ERG: variants seen among roughly 807,000 people sequenced by gnomAD.
The protein encoded by ERG is ETS transcription factor ERG.
In ERG, 9 loss-of-function variants were observed where a neutral mutation model predicts 55.3. That is an observed-to-expected ratio of 0.16 (90% confidence interval 0.10 to 0.28). The LOEUF is 0.28. Ranked by LOEUF, ERG falls within the 10% of genes least tolerant of loss-of-function variation. ERG has a pLI of 1.00. For synonymous variants in ERG, 223 were observed against 237.3 expected, an observed-to-expected ratio of 0.94 and a Z score of 0.55; for missense variants, 434 against 631.6, an observed-to-expected ratio of 0.69 and a Z score of 3.35.
At chr21:38,477,013 T>TC (rs1236120234) in intron 1 of ERG, among the ~76,000 whole-genome samples, 1 of 130,548 alleles carries the variant, frequency 7.7e-6, no homozygotes, top group Non-Finnish European at 1.6e-5. Context: ...TTTCCTTTTT[T>TC]TTTTTTTTTT....
chr21:38,378,152 C>T (rs117010395), downstream of ERG, among the ~76,000 whole-genome samples: 1 of 152,196 alleles, frequency 6.6e-6, no homozygotes, highest in Non-Finnish European at 1.5e-5. Context: ...TGGCACTGAT[C>T]AAGAGTGAGG....
At chr21:38,607,553 G>A (rs578217874) in intron 1 of ERG, among the ~76,000 whole-genome samples, 1 of 152,210 alleles carries the variant, frequency 6.6e-6, no homozygotes, top group East Asian at 1.9e-4. Flanking sequence ...AGAATGGCAT[G>A]AACCCGGGAG....
intron 1 of ERG, among the ~76,000 whole-genome samples, chr21:38,604,931 G>A (rs1011083193): frequency 7.9e-5 from 12 of 152,308 alleles, no homozygotes; most frequent in Admixed American, 5.2e-4. Flanking sequence ...ATTATAGGGC[G>A]TATTATTTCT....
chr21:38,507,999 G>C (rs987686846), intron 2 of ERG, among the ~76,000 whole-genome samples: 1 of 3,390 alleles, frequency 2.9e-4, no homozygotes, highest in Non-Finnish European at 8.1e-4. Context: ...ACACACACAT[G>C]CACACACACA....
chr21:38,510,025 C>T (rs2059499282), intron 2 of ERG, among the ~76,000 whole-genome samples: 1 of 152,180 alleles, frequency 6.6e-6, no homozygotes, highest in Non-Finnish European at 1.5e-5. Flanking sequence ...GGGGCCTTCG[C>T]TGTGGGCACA....
rs756945125 is a variant in ERG at position 38,392,437 on chromosome 21, T to C, written c.753A>G (p.Pro251=). 4.6e-6 allele frequency: 7 copies of C among 1,534,838 alleles called. No homozygotes were observed. Among genetic ancestry groups the C allele is most frequent in the Admixed American group, 4.2e-5 (2 of 47,066 alleles). The change falls in exon 7 of 10, where the codon CCA becomes CCG. Residue 251 remains proline, a synonymous_variant. Coordinates refer to ENST00000288319, the MANE Select transcript of ERG (RefSeq NM_182918.4). The stretch of plus-strand genomic sequence containing the variant: ...AGGCTGATCTCCTGGGGGGCTCATA[T>C]GGTAAATCTGTAAAGACAAATAAAT... ...TQRITTRPDL[P]YEPPRRSAWT...
At chr21:38,564,389 G>A (rs529723514) in intron 2 of ERG, among the ~76,000 whole-genome samples, 1 of 151,976 alleles carries the variant, frequency 6.6e-6, no homozygotes, top group Non-Finnish European at 1.5e-5. Flanking sequence ...ATCTCATGGG[G>A]TGTTGGAAAA....
intron 2 of ERG, among the ~76,000 whole-genome samples, chr21:38,523,674 A>G (rs2836461): frequency 0.036 from 5,485 of 152,284 alleles, 204 homozygotes; most frequent in Middle Eastern, 0.11. Flanking sequence ...TCTCATCTAC[A>G]TCTAGCCCAA....
intron 1 of ERG, among the ~76,000 whole-genome samples, chr21:38,456,199 G>A (rs896574049): frequency 3.3e-5 from 5 of 152,204 alleles, no homozygotes; most frequent in Admixed American, 2.6e-4. Flanking sequence ...ACCATGTATG[G>A]AGTTGCTAAA....
intron 4 of ERG, among the ~76,000 whole-genome samples, chr21:38,403,274 G>A (rs1029864026): frequency 6.6e-6 from 1 of 152,156 alleles, no homozygotes; most frequent in Non-Finnish European, 1.5e-5. Flanking sequence ...GCTGAGTGTT[G>A]AAGTGAATTT....
intron 2 of ERG, among the ~76,000 whole-genome samples, chr21:38,542,973 T>C (rs754012799): frequency 1.3e-5 from 2 of 152,178 alleles, no homozygotes; most frequent in Admixed American, 6.5e-5. Context: ...CAGGAGGCCA[T>C]TGTGTTTCTA....
intron 2 of ERG, among the ~76,000 whole-genome samples, chr21:38,424,942 G>C (rs1406844306): frequency 1.3e-5 from 2 of 152,202 alleles, no homozygotes; most frequent in Admixed American, 1.3e-4. Flanking sequence ...CAGGTCACAG[G>C]GCTGCTGTTA....
At chr21:38,426,080 G>A (rs1226718182) in intron 2 of ERG, among the ~76,000 whole-genome samples, 1 of 152,244 alleles carries the variant, frequency 6.6e-6, no homozygotes, top group Non-Finnish European at 1.5e-5. Flanking sequence ...GCAGGACTCA[G>A]GCCCTAACAT....
chr21:38,407,244 A>C (rs1458012139), intron 3 of ERG, among the ~76,000 whole-genome samples: 1 of 152,204 alleles, frequency 6.6e-6, no homozygotes, highest in African/African-American at 2.4e-5. Flanking sequence ...AAACACCCTA[A>C]ATGTCCAGCA....
Position 38,383,350 on chromosome 21 carries a change from T to C in ERG, c.*53A>G. On this transcript the variant is annotated 3_prime_UTR_variant, in exon 10 of 10. Transcript: ENST00000288319. This position sits in a 1 kb window ranked among gnomAD's most constrained non-coding sequence, Gnocchi z 5.7. ...TTGATTCATGTTCTCCGATAGAGTT[T>C]GTGGCGATGGGCTGGTGAATGCACG... The C allele has an allele frequency of 7.0e-7, 1 of 1,436,084 alleles. No individual in the cohort carries two copies. 89.0% of individuals were successfully genotyped at this position (1,436,084 alleles called of 1,614,324 possible).
chr21:38,599,167 T>C (rs1404940467), intron 1 of ERG, among the ~76,000 whole-genome samples: 1 of 151,772 alleles, frequency 6.6e-6, no homozygotes, highest in Non-Finnish European at 1.5e-5. Context: ...GGAGAGGCCA[T>C]GGGGGGGCAC....
chr21:38,593,664 T>C (rs1461895948), intron 1 of ERG, among the ~76,000 whole-genome samples: 1 of 152,182 alleles, frequency 6.6e-6, no homozygotes, highest in African/African-American at 2.4e-5. Context: ...TAATTACTTC[T>C]GAGGTTATAT....
At chr21:38,374,410 C>A in the ERG span, among the ~76,000 whole-genome samples, 1 of 152,308 alleles carries the variant, frequency 6.6e-6, no homozygotes, top group Admixed American at 6.5e-5. Flanking sequence ...GGGTAATTGA[C>A]AATGTGGACT....
At chr21:38,461,098 G>T (rs572657330) in intron 1 of ERG, among the ~76,000 whole-genome samples, 16 of 152,316 alleles carry the variant, frequency 1.1e-4, no homozygotes, top group Non-Finnish European at 1.6e-4. Flanking sequence ...GGGTTGCCAA[G>T]ACAATGTACC....
Sources: allele counts gnomAD v4.1 joint callset (sites outside exome capture counted in the v4.1 genomes callset), GRCh38; gene constraint gnomAD v4.1.1; non-coding constraint Gnocchi (gnomAD v3.1); transcripts MANE v1.5; gene names NCBI Gene and HGNC (gene_info 2026-07-23, HGNC 2026-07-21).